PRP4K: variants seen among roughly 807,000 people sequenced by gnomAD.
The protein encoded by PRP4K is serine/threonine-protein kinase PRP4 homolog.
the PRP4K span, chr6:4,037,359 AT>A: frequency 1.2e-5 from 18 of 1,495,754 alleles, no homozygotes; most frequent in African/African-American, 2.1e-4. Context: ...ATTTACTTTG[AT>A]TTATATTTCT....
chr6:4,040,047 C>A, the PRP4K span, among the ~76,000 whole-genome samples: 2 of 151,968 alleles, frequency 1.3e-5, no homozygotes, highest in Admixed American at 6.6e-5. Flanking sequence ...CCACACCCAG[C>A]TAATTTTTTT....
At chr6:4,032,663 C>G in the PRP4K span, 593 of 1,613,806 alleles carry the variant, frequency 3.7e-4, no homozygotes, top group Non-Finnish European at 4.9e-4. Flanking sequence ...GCAAATCCCC[C>G]TCGCGGACAC....
chr6:4,048,988 A>G, the PRP4K span: 2 of 1,558,236 alleles, frequency 1.3e-6, no homozygotes, highest in East Asian at 2.3e-5. Flanking sequence ...AAGTGGGTAA[A>G]CTGTTCATGT....
At chr6:4,054,827 T>C in the PRP4K span, among the ~76,000 whole-genome samples, 5 of 152,242 alleles carry the variant, frequency 3.3e-5, no homozygotes, top group Non-Finnish European at 7.3e-5. Flanking sequence ...ACATGGTTCA[T>C]GTCAAAGAAT....
At chr6:4,033,447 A>G in the PRP4K span, among the ~76,000 whole-genome samples, 1 of 152,216 alleles carries the variant, frequency 6.6e-6, no homozygotes, top group Non-Finnish European at 1.5e-5. Context: ...TACCTAATTT[A>G]TAAATGAAAT....
the PRP4K span, among the ~76,000 whole-genome samples, chr6:4,035,107 T>TTTTTG: frequency 5.9e-5 from 9 of 151,418 alleles, no homozygotes; most frequent in Admixed American, 4.0e-4. Flanking sequence ...ATGTGTGTTG[T>TTTTTG]TTTTGTTTTG....
chr6:4,056,278 A>T, the PRP4K span: 1 of 1,389,762 alleles, frequency 7.2e-7, no homozygotes, highest in Non-Finnish European at 1.0e-6. Flanking sequence ...TGTATTAATT[A>T]TTCCTGGCTT....
At chr6:4,058,227 G>A in the PRP4K span, among the ~76,000 whole-genome samples, 1 of 152,120 alleles carries the variant, frequency 6.6e-6, no homozygotes, top group Non-Finnish European at 1.5e-5. Flanking sequence ...TGTTGACCAG[G>A]CTGATTTGTA....
the PRP4K span, chr6:4,043,726 C>T: frequency 7.8e-7 from 1 of 1,288,718 alleles, no homozygotes; most frequent in Non-Finnish European, 1.1e-6. Context: ...GTTCTCTTAA[C>T]TTTTCACTGC....
the PRP4K span, chr6:4,060,272 C>G: frequency 1.3e-6 from 1 of 754,392 alleles, no homozygotes; most frequent in African/African-American, 1.8e-5. This position sits in a 1 kb window ranked among gnomAD's most constrained non-coding sequence, Gnocchi z 4.7. Context: ...TCTGTCATTG[C>G]CCAAAATGTG....
the PRP4K span, chr6:4,056,532 G>T: frequency 6.2e-7 from 1 of 1,604,758 alleles, no homozygotes. Flanking sequence ...TTCAGCAGCT[G>T]CACGAGTTCA....
chr6:4,028,781 C>A, the PRP4K span, among the ~76,000 whole-genome samples: 1 of 152,012 alleles, frequency 6.6e-6, no homozygotes. Context: ...GTGTTTTTCA[C>A]TCCCCCTCAT....
the PRP4K span, among the ~76,000 whole-genome samples, chr6:4,053,978 T>C: frequency 6.6e-6 from 1 of 152,060 alleles, no homozygotes; most frequent in Non-Finnish European, 1.5e-5. Context: ...GGTGCCATAA[T>C]GGCTCACTGT....
chr6:4,048,879 G>T, the PRP4K span: 1 of 528,392 alleles, frequency 1.9e-6, no homozygotes, highest in Non-Finnish European at 3.2e-6. Flanking sequence ...TTACATAAGT[G>T]ATAGTAAGAA....
the PRP4K span, among the ~76,000 whole-genome samples, chr6:4,046,235 G>T: frequency 2.6e-5 from 4 of 152,182 alleles, no homozygotes; most frequent in Non-Finnish European, 4.4e-5. Context: ...TTTTATAAGG[G>T]TTGTACCATT....
chr6:4,035,383 G>T, the PRP4K span, among the ~76,000 whole-genome samples: 1 of 139,980 alleles, frequency 7.1e-6, no homozygotes, highest in African/African-American at 2.7e-5. Flanking sequence ...TTGACCTCAG[G>T]TTATCTGCCT....
chr6:4,053,894 C>CTTTTTTTT, the PRP4K span, among the ~76,000 whole-genome samples: 1 of 83,730 alleles, frequency 1.2e-5, no homozygotes, highest in African/African-American at 5.9e-5. Flanking sequence ...TTGATTTTTT[C>CTTTTTTTT]TTTTGTTTTT....
At chr6:4,052,688 TTTG>T in the PRP4K span, 128 of 1,478,108 alleles carry the variant, frequency 8.7e-5, no homozygotes, top group South Asian at 9.4e-4. Context: ...TAACTCCTAT[TTTG>T]TTTTCTTTTT....
the PRP4K span, among the ~76,000 whole-genome samples, chr6:4,038,757 C>T: frequency 1.3e-5 from 2 of 151,998 alleles, no homozygotes; most frequent in Admixed American, 1.3e-4. Flanking sequence ...AAGCTGATCT[C>T]AAGACTTGCT....
Sources: allele counts gnomAD v4.1 joint callset (sites outside exome capture counted in the v4.1 genomes callset), GRCh38; gene constraint gnomAD v4.1.1; non-coding constraint Gnocchi (gnomAD v3.1); transcripts MANE v1.5; gene names NCBI Gene and HGNC (gene_info 2026-07-23, HGNC 2026-07-21).